Variants in COG4 observed in about 807,000 individuals in gnomAD.
COG4 encodes conserved oligomeric Golgi complex subunit 4.
In COG4, 65 loss-of-function variants were observed where a neutral mutation model predicts 95.1. That is an observed-to-expected ratio of 0.68 (90% CI 0.56 to 0.84). The LOEUF (loss-of-function observed/expected upper bound fraction) is 0.84. COG4 is among the 40% of genes least tolerant of loss of function. COG4 has a pLI of 0.00. For synonymous variants in COG4, 421 were observed against 374.8 expected (o/e 1.12, Z -1.42); for missense variants, 1,045 against 989.1 (o/e 1.06, Z -0.76).
intron 12 of COG4, 89 bp downstream of exon 12, chr16:70,496,177 A>T: frequency 7.2e-7 from 1 of 1,385,440 alleles, no homozygotes; most frequent in Non-Finnish European, 1.0e-6. Flanking sequence ...AAAAGTCTCT[A>T]GCTAGAGGCC....
intron 1 of COG4, 82 bp from the exon 2 acceptor site, chr16:70,519,813 G>A (rs1459409874): frequency 1.9e-6 from 2 of 1,026,130 alleles, no homozygotes; most frequent in East Asian, 2.4e-5. Flanking sequence ...TTAGCTGAAG[G>A]GTGAATCTCA....
chr16:70,517,691 T>C lies in COG4; in HGVS notation c.304A>G (p.Ile102Val). The C allele has an allele frequency of 6.2e-7, 1 of 1,613,082 alleles. No homozygotes were observed. The highest frequency in any genetic ancestry group is 8.5e-7 in the Non-Finnish European group (1 of 1,179,790). The change falls in exon 3 of 19, where the codon ATC becomes GTC. Residue 102 changes from isoleucine to valine, a missense_variant. Transcript: ENST00000323786. ...EGDAKQLAGM[I>V]TFTCNLAENV... The stretch of plus-strand genomic sequence containing the variant: ...TCAGCCAGGTTGCAGGTAAAGGTGA[T>C]CATTCCAGCCAGCTGCTTTGCATCT...
At chr16:70,498,467 T>C (rs1167030220) in intron 9 of COG4, among the ~76,000 whole-genome samples, 1 of 152,116 alleles carries the variant, frequency 6.6e-6, no homozygotes, top group Non-Finnish European at 1.5e-5. Context: ...TAGCTGGGAT[T>C]ACAGGCATGC....
In COG4 at chr16:70,500,365, C is replaced by CTTTTTTTTTTT. The variant is rs68141616; in HGVS notation, c.1195+582_1195+592dup. Among the ~76,000 whole-genome samples, 86 of 96,154 alleles carry CTTTTTTTTTTT rather than the reference C, an allele frequency of 8.9e-4. 9 individuals are homozygous for CTTTTTTTTTTT. Among genetic ancestry groups the CTTTTTTTTTTT allele is most frequent in the African/African-American group, 4.0e-3 (80 of 20,014 alleles). The allele number at this position is 96,154 out of a possible 152,430, so 63.1% of individuals were successfully genotyped here. A position where few individuals can be genotyped will look rare whatever the true frequency, so the allele number is the denominator to read the frequency against. On this transcript the variant is annotated intron_variant, in intron 9 of 18. Transcript: ENST00000323786. ...AGAGGATTCCTGTACATTATATACT[C>CTTTTTTTTTTT]TTTTTTTTTTTTTTTTTTTTTGAGA...
chr16:70,482,390 A>G, intron 15 of COG4: 1 of 634,210 alleles, frequency 1.6e-6, no homozygotes, highest in Non-Finnish European at 2.8e-6. Flanking sequence ...TAACATGGTA[A>G]AGTTCCTGGC....
intron 4 of COG4, among the ~76,000 whole-genome samples, chr16:70,513,782 A>C (rs796772179): frequency 2.6e-5 from 4 of 152,356 alleles, no homozygotes; most frequent in Non-Finnish European, 5.9e-5. Context: ...TTTTTGGACT[A>C]AGGTTGACCA....
intron 7 of COG4, chr16:70,509,010 T>A: frequency 3.2e-6 from 2 of 615,572 alleles, no homozygotes; most frequent in Non-Finnish European, 5.8e-6. Flanking sequence ...AAGCTCTTTT[T>A]ATTTCCGTTT....
intron 8 of COG4, chr16:70,501,517 G>C (rs2049450043): frequency 4.9e-6 from 1 of 203,190 alleles, no homozygotes; most frequent in Non-Finnish European, 1.0e-5. Flanking sequence ...ACCATGCCCG[G>C]CTAATTTTTT....
At chr16:70,482,686 G>A in intron 15 of COG4, 43 bp downstream of exon 15, 19 of 1,502,334 alleles carry the variant, frequency 1.3e-5, no homozygotes, top group South Asian at 4.5e-5. Context: ...GGCTAGGGAT[G>A]AGGGGTCATC....
rs565946137 is a variant in COG4, at chr16:70,481,689, C to G, written c.2106+75G>C. ...GGCAGCAGACAGAGGGGATGCAAGT[C>G]CTGGGGGTGGTGGCATGACATGTCT... On this transcript the variant is annotated intron_variant, in intron 17 of 18. Coordinates refer to ENST00000323786, the MANE Select transcript of COG4 (RefSeq NM_015386.3). 62 of 1,417,470 alleles carry G rather than the reference C, an allele frequency of 4.4e-5. No individual in the cohort carries two copies. The East Asian group carries it at 5.4e-4, about 12-fold the overall frequency. The allele number at this position is 1,417,470 out of a possible 1,614,324, so 87.8% of individuals were successfully genotyped here.
Position 70,496,352 on chromosome 16 carries a change from C to T in COG4, c.1561G>A (p.Val521Met), listed in dbSNP as rs747240944. ...QDIQRGVTSA[V>M]NIMHSSLQQG... ...TGGAGGCTGCTGTGCATGATGTTCA[C>T]GGCACTTGTCACCCCGCGCTGGATG... Residue 521 changes from valine (V) to methionine (M), a missense_variant, in exon 12 of 19, where the codon GTG becomes ATG. Val to Met is a conservative substitution (Grantham distance 21). Coordinates refer to ENST00000323786, the MANE Select transcript of COG4 (RefSeq NM_015386.3). 62 of 1,614,056 alleles carry T rather than the reference C, an allele frequency of 3.8e-5. No individual in the cohort carries two copies. The highest frequency in any genetic ancestry group is 3.2e-4 in the South Asian group (29 of 91,082).
intron 12 of COG4, among the ~76,000 whole-genome samples, chr16:70,493,356 C>T (rs1330185671): frequency 2.6e-5 from 4 of 151,964 alleles, no homozygotes; most frequent in Non-Finnish European, 4.4e-5. Flanking sequence ...AGCCCTCAGC[C>T]ATGTGTGGCT....
chr16:70,490,239 A>G (rs1254541305), intron 13 of COG4, 91 bp downstream of exon 13: 6 of 1,063,386 alleles, frequency 5.6e-6, no homozygotes, highest in Middle Eastern at 2.0e-4. Context: ...TGTCACCAAG[A>G]TAAGTGTCTT....
chr16:70,516,096 G>A (rs1378903775), intron 3 of COG4: 4 of 453,416 alleles, frequency 8.8e-6, no homozygotes, highest in African/African-American at 6.0e-5. Context: ...TCTATGAGGT[G>A]ATCATGTGTT....
At chr16:70,499,005 A>G (rs2049395693) in intron 9 of COG4, among the ~76,000 whole-genome samples, 1 of 152,194 alleles carries the variant, frequency 6.6e-6, no homozygotes, top group African/African-American at 2.4e-5. Flanking sequence ...GCTTGGGTCC[A>G]GGAGTTTTGA....
At chr16:70,514,647 C>G in intron 3 of COG4, 138 bp from the exon 4 acceptor site, 1 of 720,566 alleles carries the variant, frequency 1.4e-6, no homozygotes, top group South Asian at 1.5e-5. Flanking sequence ...CTACTGTTAA[C>G]GCAACTGTTA....
intron 3 of COG4, among the ~76,000 whole-genome samples, chr16:70,517,080 G>A (rs2049837111): frequency 6.6e-6 from 1 of 151,832 alleles, no homozygotes; most frequent in Non-Finnish European, 1.5e-5. Context: ...TGTATTTTTT[G>A]TAGAGATGGG....
intron 9 of COG4, among the ~76,000 whole-genome samples, chr16:70,499,618 C>A (rs966720552): frequency 6.6e-6 from 1 of 152,112 alleles, no homozygotes; most frequent in Non-Finnish European, 1.5e-5. Context: ...AAAAACCTAG[C>A]GAGTCAATCT....
At chr16:70,483,616 G>A (rs2049060585) in intron 14 of COG4, among the ~76,000 whole-genome samples, 1 of 152,052 alleles carries the variant, frequency 6.6e-6, no homozygotes, top group African/African-American at 2.4e-5. Context: ...TGTCATTGTG[G>A]GGCCAAGTGC....
Sources: allele counts gnomAD v4.1 joint callset (sites outside exome capture counted in the v4.1 genomes callset), GRCh38; gene constraint gnomAD v4.1.1; transcripts MANE v1.5; gene names NCBI Gene and HGNC (gene_info 2026-07-23, HGNC 2026-07-21).